The following SVEP1 variants were observed in gnomAD, a reference collection of about 807,000 sequenced individuals.
SVEP1 encodes the protein sushi, von Willebrand factor type A, EGF and pentraxin domain-containing protein 1.
Under a neutral mutation model 367.3 loss-of-function variants are expected in SVEP1, and 164 were observed. The ratio of observed to expected loss-of-function variants is 0.45; its 90% CI spans 0.39 to 0.51. The LOEUF (loss-of-function observed/expected upper bound fraction) is 0.51, where lower values mean the gene tolerates loss of function less well. Ranked by LOEUF, SVEP1 falls within the 20% of genes least tolerant of loss-of-function variation. The pLI, the probability that SVEP1 is intolerant of heterozygous loss-of-function variation, is 0.00. For synonymous variants in SVEP1, 1,666 were observed against 1,611.6 expected, an observed-to-expected ratio of 1.03 and a Z score of -0.81; for missense variants, 4,117 against 4,425.3, an observed-to-expected ratio of 0.93 and a Z score of 1.98.
chr9:110,504,319 C>G (rs896835123), intron 5 of SVEP1, among the ~76,000 whole-genome samples: 2 of 152,102 alleles, frequency 1.3e-5, no homozygotes, highest in Non-Finnish European at 2.9e-5. Flanking sequence ...CTCGGCCTCC[C>G]AAAGTGCTGG....
intron 5 of SVEP1, among the ~76,000 whole-genome samples, chr9:110,507,052 G>A (rs1332931635): frequency 6.6e-6 from 1 of 152,154 alleles, no homozygotes; most frequent in African/African-American, 2.4e-5. Context: ...AAAAGAGTCG[G>A]TGCCTGTTAA....
At chr9:110,396,607 C>T (rs1317532538) in intron 40 of SVEP1, among the ~76,000 whole-genome samples, 5 of 37,654 alleles carry the variant, frequency 1.3e-4, no homozygotes, top group African/African-American at 1.0e-3. Context: ...GCTAGCAAGA[C>T]TAATAAGAAA....
intron 12 of SVEP1, 146 bp from the exon 13 acceptor site, chr9:110,479,902 G>C: frequency 3.5e-6 from 4 of 1,131,296 alleles, no homozygotes; most frequent in Non-Finnish European, 5.0e-6. Flanking sequence ...GTTAAGGAGA[G>C]TTTCTAGGCA....
Position 110,407,836 on chromosome 9 carries a change from C to T in SVEP1, c.7764G>A (p.Val2588=). 1 of 1,614,004 alleles carries T rather than the reference C, an allele frequency of 6.2e-7. No individual in the cohort carries two copies. Among genetic ancestry groups the T allele is most frequent in the Non-Finnish European group, 8.5e-7 (1 of 1,179,894 alleles). ...CACAGGTCTGCATGGCATGACCAGC[C>T]ACCTGAAACCCAGGGAAGCAACTGT... The part of the protein sequence containing the change: ...IIYSCFPGFQ[V]AGHAMQTCEE... The change falls in exon 38 of 48, where the codon GTG becomes GTA. Residue 2588 remains valine (V), a synonymous_variant. Coordinates refer to ENST00000374469, the MANE Select transcript of SVEP1 (RefSeq NM_153366.4).
chr9:110,385,219 G>A (rs1479379443), intron 43 of SVEP1, among the ~76,000 whole-genome samples: 4 of 152,204 alleles, frequency 2.6e-5, no homozygotes, highest in Non-Finnish European at 5.9e-5. Context: ...GACCTCAGGT[G>A]ATCCACCCAC....
chr9:110,367,807 A>G (rs1827221603), intron 47 of SVEP1, among the ~76,000 whole-genome samples: 1 of 152,144 alleles, frequency 6.6e-6, no homozygotes, highest in African/African-American at 2.4e-5. Context: ...CTGGCCAGGC[A>G]CGGTGGCTCA....
rs538361106 is a variant in SVEP1, at chr9:110,450,076, G to A, written c.4086C>T (p.Asp1362=). The change falls in exon 24 of 48, where the codon GAC becomes GAT. Residue 1362 remains aspartate, a synonymous_variant. Coordinates refer to ENST00000374469, the MANE Select transcript of SVEP1 (RefSeq NM_153366.4). ...QPCKNGATCK[D]GANSFRCLCA... is the part of the protein sequence containing the mutation. Reference sequence around the variant, plus strand: ...CCTTTTACCTGAAGCTATTGGCACCGTCTTTACAGGTAGCTCCATTTTTGC... The same window carrying A: ...CCTTTTACCTGAAGCTATTGGCACCATCTTTACAGGTAGCTCCATTTTTGC... The A allele has an allele frequency of 6.8e-6, 11 of 1,613,862 alleles. No individual in the cohort carries two copies. The highest frequency in any genetic ancestry group is 3.3e-5 in the Admixed American group (2 of 60,002).
At chr9:110,505,471 T>C (rs1564161831) in intron 5 of SVEP1, among the ~76,000 whole-genome samples, 1 of 152,176 alleles carries the variant, frequency 6.6e-6, no homozygotes. Flanking sequence ...AATCCCCTCA[T>C]ATCCTAAACT....
At chr9:110,406,028 T>G in intron 38 of SVEP1, 132 bp downstream of exon 38, 1 of 1,163,364 alleles carries the variant, frequency 8.6e-7, no homozygotes, top group Non-Finnish European at 1.1e-6. Flanking sequence ...AAGCCAAGTG[T>G]TAAAAGCACC....
chr9:110,373,937 G>C (rs2118941447), intron 46 of SVEP1, among the ~76,000 whole-genome samples: 1 of 152,294 alleles, frequency 6.6e-6, no homozygotes, highest in South Asian at 2.1e-4. Flanking sequence ...TGTTGTCCAT[G>C]ATAAGAAACC....
intron 5 of SVEP1, among the ~76,000 whole-genome samples, chr9:110,511,100 T>C (rs996745152): frequency 6.6e-6 from 1 of 152,226 alleles, no homozygotes; most frequent in African/African-American, 2.4e-5. Flanking sequence ...TTTCTAACTA[T>C]GAAATGGACA....
Position 110,366,522 on chromosome 9 carries a change from A to G in SVEP1, c.*17T>C. ...AGATGATCCTGCTTTTGGGAGAGCC[A>G]GATGGTCGTGCAGTGGTTAAAACCC... On this transcript the variant is annotated 3_prime_UTR_variant, in exon 48 of 48. Transcript: ENST00000374469. The G allele has an allele frequency of 6.4e-7, 1 of 1,551,670 alleles. No homozygotes were observed. The highest frequency in any genetic ancestry group is 2.3e-5 in the East Asian group (1 of 42,826).
At chr9:110,434,985 C>T (rs906558624) in intron 29 of SVEP1, among the ~76,000 whole-genome samples, 2 of 151,914 alleles carry the variant, frequency 1.3e-5, no homozygotes, top group Admixed American at 1.3e-4. Context: ...AACCTCATTT[C>T]TTCTCTAATT....
At chr9:110,542,775 G>A (rs1448193756) in intron 3 of SVEP1, among the ~76,000 whole-genome samples, 1 of 138,412 alleles carries the variant, frequency 7.2e-6, no homozygotes, top group Non-Finnish European at 1.5e-5. Flanking sequence ...GCTCACTGAT[G>A]ATGAGCATTT....
Position 110,427,735 on chromosome 9 carries a change from T to G in SVEP1, c.5831A>C (p.Glu1944Ala). Residue 1944 changes from glutamate to alanine, a missense_variant, in exon 36 of 48, where the codon GAA becomes GCA. Glu to Ala is a moderately radical substitution (Grantham distance 107). This residue lies in a region of SVEP1 where 2,174 missense variants were observed against 2,494.3 expected (regional missense o/e 0.87). Transcript: ENST00000374469. Reference protein sequence around the residue: ...GYSLQGPSIIECTASGIWDRA... With the variant: ...GYSLQGPSIIACTASGIWDRA... The stretch of plus-strand genomic sequence containing the variant: ...GTCCCAGATGCCAGAAGCCGTGCAT[T>G]CAATAATGGAAGGGCCCTGTAAGCT... 2 of 1,612,882 alleles carry G rather than the reference T, an allele frequency of 1.2e-6. No individual in the cohort carries two copies. The highest frequency in any genetic ancestry group is 1.7e-6 in the Non-Finnish European group (2 of 1,179,438).
intron 9 of SVEP1, among the ~76,000 whole-genome samples, chr9:110,489,188 T>C (rs1829329694): frequency 1.3e-5 from 2 of 152,296 alleles, no homozygotes; most frequent in Middle Eastern, 3.4e-3. Context: ...GAAGAATCAG[T>C]GACAAGGGAG....
At chr9:110,575,269 G>T (rs543880416) in intron 1 of SVEP1, among the ~76,000 whole-genome samples, 29 of 152,170 alleles carry the variant, frequency 1.9e-4, no homozygotes, top group Non-Finnish European at 3.7e-4. Context: ...TGAAGACAGA[G>T]TAGGTCTTGA....
intron 40 of SVEP1, among the ~76,000 whole-genome samples, chr9:110,399,506 GA>G (rs1456239272): frequency 6.6e-6 from 1 of 151,864 alleles, no homozygotes; most frequent in African/African-American, 2.4e-5. Context: ...AAATTAAAAA[GA>G]AAAAAGAAAA....
At chr9:110,434,857 C>G (rs1588051820) in intron 29 of SVEP1, among the ~76,000 whole-genome samples, 1 of 151,734 alleles carries the variant, frequency 6.6e-6, no homozygotes, top group Non-Finnish European at 1.5e-5. Flanking sequence ...CAGATTGCAA[C>G]ATCCATCGCT....
Sources: gnomAD v4.1 joint callset for allele counts (sites outside exome capture counted in the v4.1 genomes callset) on GRCh38, gnomAD v4.1.1 for gene constraint, gnomAD v4.1.1 regional missense constraint, MANE v1.5 for transcripts, NCBI Gene and HGNC (gene_info 2026-07-23, HGNC 2026-07-21) for gene names.